The following MDFIC variants were observed in gnomAD, a reference collection of about 807,000 sequenced individuals.
MDFIC encodes myoD family inhibitor domain-containing protein.
MDFIC carries 17 observed loss-of-function variants against 23.2 expected under a neutral mutation model. The observed-to-expected ratio is 0.73, with a 90% confidence interval of 0.50 to 1.10. MDFIC has a LOEUF of 1.10. MDFIC is among the 50% of genes least tolerant of loss of function. The pLI, the probability that MDFIC is intolerant of heterozygous loss-of-function variation, is 0.00. For synonymous variants in MDFIC, 120 were observed against 115.2 expected (o/e 1.04, Z -0.27); for missense variants, 356 against 316.6 (o/e 1.12, Z -0.95).
intron 4 of MDFIC, among the ~76,000 whole-genome samples, chr7:114,980,410 G>A (rs1793397965): frequency 6.6e-6 from 1 of 152,086 alleles, no homozygotes; most frequent in South Asian, 2.1e-4. Context: ...CTGTCCCCTG[G>A]AGAACTAGTT....
At chr7:114,980,402 G>T (rs1267030324) in intron 4 of MDFIC, among the ~76,000 whole-genome samples, 1 of 152,120 alleles carries the variant, frequency 6.6e-6, no homozygotes, top group Non-Finnish European at 1.5e-5. Context: ...TGTGTTCTCT[G>T]TCCCCTGGAG....
intron 4 of MDFIC, among the ~76,000 whole-genome samples, chr7:114,983,072 C>G (rs558617804): frequency 1.2e-4 from 19 of 152,348 alleles, no homozygotes; most frequent in African/African-American, 4.6e-4. Flanking sequence ...AGGTGACATT[C>G]AAACCATAGT....
chr7:115,012,805 T>G (rs2116140866), intron 4 of MDFIC, among the ~76,000 whole-genome samples: 1 of 151,844 alleles, frequency 6.6e-6, no homozygotes, highest in East Asian at 1.9e-4. Context: ...AGGTAAAACC[T>G]CATCTCTACT....
chr7:114,938,997 T>C (rs1372277005), intron 2 of MDFIC, among the ~76,000 whole-genome samples: 2 of 152,208 alleles, frequency 1.3e-5, no homozygotes. Context: ...TTTAGTAAGG[T>C]TGGTTTCATG....
chr7:115,010,314 G>A (rs1169861890), intron 4 of MDFIC, among the ~76,000 whole-genome samples: 1 of 151,828 alleles, frequency 6.6e-6, no homozygotes, highest in Non-Finnish European at 1.5e-5. Context: ...TCATTACCCT[G>A]AGTCACAGTC....
chr7:114,974,629 C>T (rs1272096929), intron 3 of MDFIC, among the ~76,000 whole-genome samples: 1 of 152,094 alleles, frequency 6.6e-6, no homozygotes, highest in Non-Finnish European at 1.5e-5. Context: ...AGATTATACA[C>T]TATAGCAAAA....
intron 3 of MDFIC, among the ~76,000 whole-genome samples, chr7:114,950,147 A>T (rs544774818): frequency 2.0e-5 from 3 of 152,300 alleles, no homozygotes; most frequent in African/African-American, 7.2e-5. Context: ...TAGTGAGAAA[A>T]TAAATAGGAA....
chr7:114,922,679 C>T (rs1792107911), intron 1 of MDFIC, 43 bp downstream of exon 1: 4 of 1,339,478 alleles, frequency 3.0e-6, no homozygotes, highest in East Asian at 3.1e-5. Context: ...GGGTTTGATC[C>T]CCATCCCCGG....
chr7:115,009,356 C>A (rs1791634018), intron 4 of MDFIC, among the ~76,000 whole-genome samples: 1 of 152,188 alleles, frequency 6.6e-6, no homozygotes, highest in Admixed American at 6.5e-5. Context: ...CATACCACAT[C>A]TTAAAAGGAG....
At chr7:114,976,363 C>A (rs947672341) in intron 3 of MDFIC, among the ~76,000 whole-genome samples, 5 of 152,068 alleles carry the variant, frequency 3.3e-5, no homozygotes, top group African/African-American at 2.4e-5. Context: ...TTAGGTTTAA[C>A]TGTCTTTTTT....
chr7:114,954,798 C>T (rs1380874571), intron 3 of MDFIC, among the ~76,000 whole-genome samples: 2 of 152,168 alleles, frequency 1.3e-5, no homozygotes, highest in Non-Finnish European at 2.9e-5. Flanking sequence ...TGTTTTGAGA[C>T]TGATAGGTTG....
At chr7:115,005,368 G>A (rs1791549595) in intron 4 of MDFIC, among the ~76,000 whole-genome samples, 1 of 152,158 alleles carries the variant, frequency 6.6e-6, no homozygotes, top group Non-Finnish European at 1.5e-5. Flanking sequence ...CCACTATGTT[G>A]TGTCCCTGTT....
At chr7:115,012,195 C>T (rs969187739) in intron 4 of MDFIC, among the ~76,000 whole-genome samples, 2 of 151,900 alleles carry the variant, frequency 1.3e-5, no homozygotes, top group Admixed American at 6.6e-5. Context: ...ACCAGTATCT[C>T]GAATATCTGA....
At chr7:115,012,171 T>G (rs1272764113) in intron 4 of MDFIC, among the ~76,000 whole-genome samples, 1 of 152,166 alleles carries the variant, frequency 6.6e-6, no homozygotes, top group Non-Finnish European at 1.5e-5. Flanking sequence ...GAGAAGACAA[T>G]CATTTAACAA....
chr7:114,952,005 C>T lies in MDFIC; in HGVS notation c.217+9608C>T, dbSNP rs1049640024. ...GGGTCCTTCTAAGTGCTGGGCTTGC[C>T]ACAACCGCGTAGTTTCGCACCCATG... On this transcript the variant is annotated intron_variant, in intron 3 of 4. Transcript: ENST00000393486. 7.9e-5 allele frequency among the ~76,000 whole-genome samples: 12 copies of T among 152,314 alleles called. No individual in the cohort carries two copies. The South Asian group carries it at 2.3e-3, about 29-fold the overall frequency.
Position 114,951,660 on chromosome 7 carries a change from GT to G in MDFIC, c.217+9272del, listed in dbSNP as rs142612845. ...TAATATTCTGTATTCTCTTTTCTGT[GT>G]TTTTTTTTCCCATGAAGTGAATTAT... On this transcript the variant is annotated intron_variant, in intron 3 of 4. Coordinates refer to ENST00000393486, the MANE Select transcript of MDFIC (RefSeq NM_001166345.3). 4.3e-3 allele frequency among the ~76,000 whole-genome samples: 653 copies of G among 150,708 alleles called. 3 individuals are homozygous for G. The highest frequency in any genetic ancestry group is 0.014 in the African/African-American group (575 of 41,134).
intron 3 of MDFIC, among the ~76,000 whole-genome samples, chr7:114,971,705 A>G (rs1793208717): frequency 6.6e-6 from 1 of 152,126 alleles, no homozygotes; most frequent in Non-Finnish European, 1.5e-5. Flanking sequence ...CATTAGAGAA[A>G]AGCTATACTT....
intron 3 of MDFIC, among the ~76,000 whole-genome samples, chr7:114,952,267 C>T (rs1792793131): frequency 6.6e-6 from 1 of 152,184 alleles, no homozygotes; most frequent in Admixed American, 6.5e-5. Flanking sequence ...TGGTTCTCAG[C>T]TCTTAGCTGG....
intron 3 of MDFIC, among the ~76,000 whole-genome samples, chr7:114,970,104 T>C (rs1276565006): frequency 1.3e-5 from 2 of 152,124 alleles, no homozygotes; most frequent in East Asian, 3.9e-4. Context: ...AAGCATCTTG[T>C]TGTTGAGTTT....
Sources: gnomAD v4.1 joint callset for allele counts (sites outside exome capture counted in the v4.1 genomes callset) on GRCh38, gnomAD v4.1.1 for gene constraint, MANE v1.5 for transcripts, NCBI Gene and HGNC (gene_info 2026-07-23, HGNC 2026-07-21) for gene names.